Variants in SNX14 observed in about 807,000 individuals in gnomAD.
The protein encoded by SNX14 is sorting nexin 14, also known as sorting nexin-14.
In SNX14, 93 loss-of-function variants were observed where a neutral mutation model predicts 133.8. That is an observed-to-expected ratio of 0.70 (90% CI 0.59 to 0.83). SNX14 has a LOEUF of 0.83. Ranked by LOEUF, SNX14 falls within the 40% of genes least tolerant of loss-of-function variation. The pLI is 0.00. For synonymous variants in SNX14, 368 were observed against 365.6 expected (o/e 1.01, Z -0.07); for missense variants, 945 against 1,094.9 (o/e 0.86, Z 1.93).
chr6:85,556,703 T>C (rs1789928465), intron 7 of SNX14, among the ~76,000 whole-genome samples: 1 of 152,064 alleles, frequency 6.6e-6, no homozygotes. Flanking sequence ...GCTGCCCACC[T>C]CAGCCTCCCA....
At chr6:85,588,949 G>A (rs1400660654) in intron 1 of SNX14, 1 of 454,674 alleles carries the variant, frequency 2.2e-6, no homozygotes, top group Non-Finnish European at 4.4e-6. Flanking sequence ...TGGTCTTGCT[G>A]TCTGAGGAAT....
At chr6:85,566,522 A>T (rs1793895192) in intron 5 of SNX14, among the ~76,000 whole-genome samples, 1 of 152,008 alleles carries the variant, frequency 6.6e-6, no homozygotes, top group Non-Finnish European at 1.5e-5. Flanking sequence ...ACATGGGGAA[A>T]CCCCATCTCT....
Position 85,588,433 on chromosome 6 carries a change from C to T in SNX14, c.140+5146G>A, listed in dbSNP as rs190097457. Among the ~76,000 whole-genome samples the T allele has an allele frequency of 7.2e-5, 11 of 151,758 alleles. No individual in the cohort carries two copies. In the East Asian group the frequency reaches 9.7e-4, roughly 13 times the overall value. The stretch of plus-strand genomic sequence containing the variant: ...CTAAAAATACAAAAAAAAAATTAGC[C>T]GGGCGCGGTGGCGGGCGCCTGTAGT... On this transcript the variant is annotated intron_variant, in intron 1 of 28. Transcript: ENST00000314673.
intron 7 of SNX14, among the ~76,000 whole-genome samples, chr6:85,552,740 G>C (rs531922293): frequency 2.0e-5 from 3 of 152,290 alleles, no homozygotes; most frequent in South Asian, 4.1e-4. Context: ...CTGTCACGTA[G>C]ACCTCAAGGA....
At chr6:85,581,554 G>A (rs1799070925) in intron 1 of SNX14, 1 of 152,136 alleles carries the variant, frequency 6.6e-6, no homozygotes, top group Non-Finnish European at 1.5e-5. Flanking sequence ...CTTTCAGATG[G>A]AGAATTCAAA....
In SNX14 at chr6:85,508,035, T is replaced by G. The variant is rs745869916; in HGVS notation, c.2678A>C (p.Glu893Ala). 15 of 1,612,892 alleles carry G rather than the reference T, an allele frequency of 9.3e-6. No individual in the cohort carries two copies. The highest frequency in any genetic ancestry group is 1.2e-5 in the Non-Finnish European group (14 of 1,179,356). ...IPDLLVKCIG[E>A]ETKYESIRLL... ...TCTGATGCTTTCATACTTGGTTTCT[T>G]CACCAATACACTTGACTAACAGATC... Residue 893 changes from glutamate (E) to alanine (A), a missense_variant, in exon 27 of 29, where the codon GAA (glutamate) becomes GCA (alanine). By Grantham distance (107) the Glu-to-Ala change is moderately radical. Around this residue, in one of 3 missense-constraint regions of SNX14, gnomAD observed 412 missense variants for 516.6 expected, o/e 0.80. Transcript: ENST00000314673.
rs1367346773 is a variant in SNX14, at chr6:85,593,609, CAG to C, written c.108_109del (p.Cys37SerfsTer9). On this transcript the variant is annotated frameshift_variant, in exon 1 of 29. Coordinates refer to ENST00000314673, the MANE Select transcript of SNX14 (RefSeq NM_153816.6). LOFTEE classifies it high-confidence loss of function. Reference sequence around the variant, plus strand: ...AAGAAGCAGGGAGGCGGCGCTGAGACAGAGCAGCAGGAAGCAGAACAGCGGGT... The same window carrying C: ...AAGAAGCAGGGAGGCGGCGCTGAGACAGCAGCAGGAAGCAGAACAGCGGGT... The C allele has an allele frequency of 1.2e-6, 2 of 1,613,112 alleles. No individual in the cohort carries two copies. Among genetic ancestry groups the C allele is most frequent in the African/African-American group, 1.3e-5 (1 of 74,936 alleles).
chr6:85,534,650 A>C (rs1219303609), intron 17 of SNX14, among the ~76,000 whole-genome samples: 1 of 152,218 alleles, frequency 6.6e-6, no homozygotes, highest in African/African-American at 2.4e-5. Context: ...TCCTAAAGCT[A>C]AAGTACAACT....
At chr6:85,506,247 T>A (rs758217201) in intron 28 of SNX14, among the ~76,000 whole-genome samples, 7 of 152,232 alleles carry the variant, frequency 4.6e-5, no homozygotes, top group Admixed American at 3.9e-4. Context: ...TTGATTCCCA[T>A]GAAAATTAAA....
At chr6:85,547,584 T>C in intron 9 of SNX14, 34 bp from the exon 10 acceptor site, 1 of 1,499,218 alleles carries the variant, frequency 6.7e-7, no homozygotes, top group Non-Finnish European at 9.1e-7. Context: ...GTCAAAATAA[T>C]TCCACTACTG....
At chr6:85,566,056 G>C (rs1793709207) in intron 5 of SNX14, among the ~76,000 whole-genome samples, 1 of 152,200 alleles carries the variant, frequency 6.6e-6, no homozygotes, top group Non-Finnish European at 1.5e-5. Context: ...GAATAGGAAA[G>C]ATAATTGTAT....
intron 17 of SNX14, among the ~76,000 whole-genome samples, chr6:85,534,520 T>C (rs1363871710): frequency 6.6e-6 from 1 of 152,188 alleles, no homozygotes; most frequent in East Asian, 1.9e-4. Flanking sequence ...AAACATTAGT[T>C]TGCCTGCTTC....
At chr6:85,588,840 T>A (rs780334545) in intron 1 of SNX14, 1 of 453,966 alleles carries the variant, frequency 2.2e-6, no homozygotes, top group Non-Finnish European at 4.4e-6. Context: ...AAGAATATCA[T>A]AAGGAAGAGA....
At chr6:85,543,903 G>C in intron 12 of SNX14, 143 bp from the exon 13 acceptor site, 1 of 381,148 alleles carries the variant, frequency 2.6e-6, no homozygotes, top group Non-Finnish European at 4.3e-6. Flanking sequence ...AAAAATATTT[G>C]AGAATAAAAT....
chr6:85,560,167 G>A (rs573012325), intron 6 of SNX14, among the ~76,000 whole-genome samples: 14 of 151,164 alleles, frequency 9.3e-5, no homozygotes, highest in African/African-American at 2.7e-4. Context: ...ATATATATCC[G>A]ACAAAAAAAA....
chr6:85,549,770 A>G lies in SNX14; in HGVS notation c.744T>C (p.Thr248=). Residue 248 remains threonine (T), a synonymous_variant, in exon 8 of 29, where the codon ACT becomes ACC. Transcript: ENST00000314673. ...RDELHYLRKL[T]ELLFPYILPP... ...GCAAAATATAAGGAAAAAGCAGTTC[A>G]GTAAGTTTCCTTAAATAGTGCAATT... The G allele has an allele frequency of 6.2e-7, 1 of 1,613,972 alleles. No homozygotes were observed. The highest frequency in any genetic ancestry group is 8.5e-7 in the Non-Finnish European group (1 of 1,179,908).
intron 16 of SNX14, among the ~76,000 whole-genome samples, chr6:85,538,224 G>A (rs539287986): frequency 3.4e-4 from 52 of 151,462 alleles, no homozygotes; most frequent in African/African-American, 1.1e-3. Flanking sequence ...CAGTAAAAGG[G>A]GTACTTAAAC....
chr6:85,556,288 G>A (rs1357729511), intron 7 of SNX14, among the ~76,000 whole-genome samples: 1 of 152,068 alleles, frequency 6.6e-6, no homozygotes, highest in Non-Finnish European at 1.5e-5. Flanking sequence ...ACTTGGCTAG[G>A]CACAGTGGCT....
Position 85,507,215 on chromosome 6 carries a change from T to C in SNX14, c.2802+18A>G, listed in dbSNP as rs781386483. On this transcript the variant is annotated intron_variant, in intron 28 of 28. Transcript: ENST00000314673. ...ACCATTAAGAAAATCATGAATAAAA[T>C]TACTGCTTTTCAGTTACCTTATTGA... 6 of 1,599,954 alleles carry C rather than the reference T, an allele frequency of 3.8e-6. No homozygotes were observed. Among genetic ancestry groups the C allele is most frequent in the Non-Finnish European group, 5.1e-6 (6 of 1,170,600 alleles).
Sources: gnomAD v4.1 joint callset for allele counts (sites outside exome capture counted in the v4.1 genomes callset) on GRCh38, gnomAD v4.1.1 for gene constraint, gnomAD v4.1.1 regional missense constraint, MANE v1.5 for transcripts, NCBI Gene and HGNC (gene_info 2026-07-23, HGNC 2026-07-21) for gene names.